SCHIP1: variants seen among roughly 807,000 people sequenced by gnomAD.
SCHIP1 encodes the protein schwannomin-interacting protein 1.
Under a neutral mutation model 29.7 loss-of-function variants are expected in SCHIP1, and 8 were observed. That is an observed-to-expected ratio of 0.27 (90% CI 0.16 to 0.49). The LOEUF (loss-of-function observed/expected upper bound fraction) is 0.49, where lower values mean the gene tolerates loss of function less well. Ranked by LOEUF, SCHIP1 falls within the 20% of genes least tolerant of loss-of-function variation. The pLI is 0.99. For synonymous variants in SCHIP1, 76 were observed against 94.9 expected, an observed-to-expected ratio of 0.80 and a Z score of 1.16; for missense variants, 193 against 294.6, an observed-to-expected ratio of 0.66 and a Z score of 2.52.
At chr3:159,444,657 TA>T in the SCHIP1 span, among the ~76,000 whole-genome samples, 4 of 152,116 alleles carry the variant, frequency 2.6e-5, no homozygotes, top group Non-Finnish European at 5.9e-5. Flanking sequence ...CAAATAAGTC[TA>T]ATACAAGAGA....
the SCHIP1 span, among the ~76,000 whole-genome samples, chr3:159,684,932 C>A: frequency 2.0e-5 from 3 of 151,710 alleles, no homozygotes; most frequent in Non-Finnish European, 2.9e-5. Flanking sequence ...GCAGCTGGAT[C>A]CTGCTTAACC....
At chr3:159,383,598 T>C in the SCHIP1 span, among the ~76,000 whole-genome samples, 1 of 144,300 alleles carries the variant, frequency 6.9e-6, no homozygotes, top group African/African-American at 2.5e-5. Flanking sequence ...CGGGCTCTTT[T>C]TTGGTTCCAT....
chr3:159,328,928 G>C, the SCHIP1 span, among the ~76,000 whole-genome samples: 4 of 152,112 alleles, frequency 2.6e-5, no homozygotes, highest in African/African-American at 9.7e-5. Context: ...TATAAAATGA[G>C]ACTTATCTCC....
the SCHIP1 span, among the ~76,000 whole-genome samples, chr3:159,367,574 A>C: frequency 6.6e-6 from 1 of 152,218 alleles, no homozygotes; most frequent in Non-Finnish European, 1.5e-5. Context: ...TGCCAAACAA[A>C]TAATAGATGC....
the SCHIP1 span, among the ~76,000 whole-genome samples, chr3:159,521,082 G>A: frequency 6.6e-6 from 1 of 152,162 alleles, no homozygotes; most frequent in Admixed American, 6.5e-5. Flanking sequence ...TTCTGTAAAA[G>A]TTATTCCCAT....
At chr3:159,419,543 T>A in the SCHIP1 span, among the ~76,000 whole-genome samples, 1 of 152,184 alleles carries the variant, frequency 6.6e-6, no homozygotes, top group Non-Finnish European at 1.5e-5. Flanking sequence ...GCACGTTGAC[T>A]CACACCTGTA....
the SCHIP1 span, among the ~76,000 whole-genome samples, chr3:159,540,927 GA>G: frequency 5.3e-5 from 8 of 151,536 alleles, no homozygotes; most frequent in African/African-American, 1.7e-4. Flanking sequence ...TCAAGGGAAA[GA>G]AAAAAAATGT....
chr3:159,626,136 A>C, the SCHIP1 span, among the ~76,000 whole-genome samples: 1,265 of 110,974 alleles, frequency 0.011, 119 homozygotes, highest in African/African-American at 0.062. Context: ...ATAGATAGAT[A>C]GATATATCTA....
chr3:159,425,687 T>C, the SCHIP1 span, among the ~76,000 whole-genome samples: 18 of 152,060 alleles, frequency 1.2e-4, no homozygotes, highest in Non-Finnish European at 7.4e-5. Flanking sequence ...CTGCACCAAG[T>C]GGACCTAATA....
the SCHIP1 span, among the ~76,000 whole-genome samples, chr3:159,746,916 A>G: frequency 6.6e-6 from 1 of 152,198 alleles, no homozygotes; most frequent in East Asian, 1.9e-4. Context: ...TTCCTTTGGG[A>G]AGGCTTCTTT....
chr3:159,647,474 T>C, the SCHIP1 span, among the ~76,000 whole-genome samples: 2 of 151,980 alleles, frequency 1.3e-5, no homozygotes, highest in Non-Finnish European at 2.9e-5. Context: ...TCCTTTGGGG[T>C]TAGAGGAACA....
the SCHIP1 span, among the ~76,000 whole-genome samples, chr3:159,716,155 T>G: frequency 3.9e-5 from 6 of 152,200 alleles, no homozygotes; most frequent in African/African-American, 1.4e-4. Flanking sequence ...AAACTAAGCT[T>G]CATACGTGAA....
the SCHIP1 span, among the ~76,000 whole-genome samples, chr3:159,732,558 C>T: frequency 6.6e-6 from 1 of 152,118 alleles, no homozygotes; most frequent in Non-Finnish European, 1.5e-5. Context: ...AAGGAAAAAA[C>T]AAGGTTACAA....
chr3:159,285,938 A>G, the SCHIP1 span, among the ~76,000 whole-genome samples: 2 of 152,086 alleles, frequency 1.3e-5, no homozygotes, highest in East Asian at 1.9e-4. Flanking sequence ...TGTTGTTTCT[A>G]TATCTCTTTT....
intron 5 of SCHIP1, among the ~76,000 whole-genome samples, chr3:159,890,283 T>C (rs919230798): frequency 6.6e-6 from 1 of 152,178 alleles, no homozygotes; most frequent in Non-Finnish European, 1.5e-5. Context: ...TACATGGAAA[T>C]TCATTAAACT....
the SCHIP1 span, among the ~76,000 whole-genome samples, chr3:159,785,611 G>A: frequency 1.3e-5 from 2 of 151,306 alleles, no homozygotes; most frequent in African/African-American, 4.9e-5. Context: ...GGGAGATGGG[G>A]AGCCAGCAAG....
At chr3:159,710,065 T>C in the SCHIP1 span, among the ~76,000 whole-genome samples, 1 of 152,214 alleles carries the variant, frequency 6.6e-6, no homozygotes, top group African/African-American at 2.4e-5. Flanking sequence ...TATTACCATA[T>C]GATCCAGCAA....
chr3:159,284,023 T>C, the SCHIP1 span, among the ~76,000 whole-genome samples: 3 of 152,338 alleles, frequency 2.0e-5, no homozygotes, highest in Admixed American at 6.5e-5. Context: ...CTGTAGTTTG[T>C]ATTTCTTTCA....
chr3:159,498,921 C>T, the SCHIP1 span, among the ~76,000 whole-genome samples: 1 of 152,106 alleles, frequency 6.6e-6, no homozygotes, highest in East Asian at 1.9e-4. Context: ...TGCCACTTAT[C>T]TGTGCAATTA....
Sources: allele counts gnomAD v4.1 joint callset (sites outside exome capture counted in the v4.1 genomes callset), GRCh38; gene constraint gnomAD v4.1.1; transcripts MANE v1.5; gene names NCBI Gene and HGNC (gene_info 2026-07-23, HGNC 2026-07-21).